Variants in DNAI4 observed in about 807,000 individuals in gnomAD.
DNAI4 encodes WD repeat domain 78.
Under a neutral mutation model 105.8 loss-of-function variants are expected in DNAI4, and 85 were observed. The observed-to-expected ratio is 0.80, with a 90% CI of 0.67 to 0.96. The LOEUF (loss-of-function observed/expected upper bound fraction) is 0.96. Ranked by LOEUF, DNAI4 falls within the 40% of genes least tolerant of loss-of-function variation. The pLI is 0.00. For synonymous variants in DNAI4, 352 were observed against 331.5 expected (o/e 1.06, Z -0.67); for missense variants, 1,014 against 1,005.6 (o/e 1.01, Z -0.11).
intron 7 of DNAI4, among the ~76,000 whole-genome samples, chr1:66,861,446 A>AC (rs763798439): frequency 1.3e-5 from 2 of 152,228 alleles, no homozygotes; most frequent in Non-Finnish European, 2.9e-5. Flanking sequence ...GTGGAATTGA[A>AC]CAAACTTCTC....
intron 16 of DNAI4, among the ~76,000 whole-genome samples, chr1:66,819,822 C>G (rs1645589544): frequency 6.6e-6 from 1 of 152,122 alleles, no homozygotes; most frequent in South Asian, 2.1e-4. Flanking sequence ...TCAATTCCCA[C>G]TCCCAACCAC....
At chr1:66,887,737 G>A (rs536635402) in intron 4 of DNAI4, among the ~76,000 whole-genome samples, 1 of 152,116 alleles carries the variant, frequency 6.6e-6, no homozygotes, top group African/African-American at 2.4e-5. Flanking sequence ...ATTTTGGGAG[G>A]CCAAGGCGGC....
chr1:66,840,446 T>C (rs1393772691), intron 9 of DNAI4, 23 bp downstream of exon 9: 1 of 1,592,060 alleles, frequency 6.3e-7, no homozygotes, highest in South Asian at 1.1e-5. Flanking sequence ...GAAACAGAAT[T>C]GTTCAAATGT....
At position 66,862,254 on chromosome 1, in the gene DNAI4, T is replaced by A. The variant is rs777841706; in HGVS notation, c.989A>T (p.Glu330Val). The A allele has an allele frequency of 2.5e-6, 4 of 1,610,858 alleles. No individual in the cohort carries two copies. The highest frequency in any genetic ancestry group is 3.4e-6 in the Non-Finnish European group (4 of 1,178,986). The change falls in exon 7 of 17, where the codon GAA becomes GTA. Residue 330 changes from glutamate (E) to valine (V), a missense_variant. Glu to Val is a moderately radical substitution (Grantham distance 121). Coordinates refer to ENST00000371026, the MANE Select transcript of DNAI4 (RefSeq NM_024763.5). ...TTGTTTTACTGATAAAGATACAAGT[T>A]CCATAGCATTGTAAGAATCATACAA... The part of the protein sequence containing the change: ...WDLYDSYNAM[E>V]LVSLSVKQSV...
At chr1:66,919,916 C>A (rs1650339251) in intron 1 of DNAI4, among the ~76,000 whole-genome samples, 2 of 152,218 alleles carry the variant, frequency 1.3e-5, no homozygotes, top group Non-Finnish European at 2.9e-5. Context: ...ATTGTCCAAC[C>A]CTTCCCCTCC....
chr1:66,892,950 G>GAAGAAAGAAAGAAAGAA (rs1647804185), intron 3 of DNAI4, among the ~76,000 whole-genome samples: 1 of 91,920 alleles, frequency 1.1e-5, no homozygotes, highest in South Asian at 3.7e-4. Flanking sequence ...AGAAGAAAGA[G>GAAGAAAGAAAGAAAGAA]AAGAAAGAAA....
rs1645463495 is a variant in DNAI4 at position 66,814,110 on chromosome 1, A to C, written c.*20T>G. The stretch of plus-strand genomic sequence containing the variant: ...TTCCTTTTTTAAAACAACTACAAGA[A>C]AAATATTAGGAATGATGAATTATGC... On this transcript the variant is annotated 3_prime_UTR_variant, in exon 17 of 17. Coordinates refer to ENST00000371026, the MANE Select transcript of DNAI4 (RefSeq NM_024763.5). 2 of 1,581,808 alleles carry C rather than the reference A, an allele frequency of 1.3e-6. No individual in the cohort carries two copies.
At chr1:66,920,557 G>A (rs1297258006) in intron 1 of DNAI4, among the ~76,000 whole-genome samples, 5 of 152,110 alleles carry the variant, frequency 3.3e-5, no homozygotes, top group South Asian at 2.1e-4. Context: ...TGGGGAGTGA[G>A]TATGTAGTTT....
Position 66,837,702 on chromosome 1 carries a change from T to C in DNAI4, c.1581+8A>G. On this transcript the variant is annotated splice_region_variant and intron_variant, in intron 10 of 16. Transcript: ENST00000371026. Reference sequence around the variant, plus strand: ...GATAAAAATGCTTCTTATTCTTGTTTGGGTTACCATGGGATTCTTTATTGA... The same window carrying C: ...GATAAAAATGCTTCTTATTCTTGTTCGGGTTACCATGGGATTCTTTATTGA... 2 of 1,604,140 alleles carry C rather than the reference T, an allele frequency of 1.2e-6. No individual in the cohort carries two copies. Among genetic ancestry groups the C allele is most frequent in the Non-Finnish European group, 1.7e-6 (2 of 1,175,650 alleles).
In DNAI4 at chr1:66,910,463, A is replaced by G. The variant is rs543376994; in HGVS notation, c.171-5088T>C. ...GCACATTTTCATATCAAAGACTTGA[A>G]TTTATGTTTCCTTTGTCTGAAATGC... On this transcript the variant is annotated intron_variant, in intron 1 of 16. Coordinates refer to ENST00000371026, the MANE Select transcript of DNAI4 (RefSeq NM_024763.5). Among the ~76,000 whole-genome samples the G allele has an allele frequency of 3.9e-5, 6 of 152,260 alleles. No homozygotes were observed. The South Asian group carries it at 1.0e-3, about 26-fold the overall frequency.
At chr1:66,915,920 G>GA (rs753263772) in intron 1 of DNAI4, among the ~76,000 whole-genome samples, 37 of 152,068 alleles carry the variant, frequency 2.4e-4, no homozygotes, top group Non-Finnish European at 3.5e-4. Context: ...CCAGGAGTTT[G>GA]AGACCAGTCT....
At chr1:66,826,756 T>C (rs1008330974) in intron 15 of DNAI4, 64 bp downstream of exon 15, 27 of 1,446,700 alleles carry the variant, frequency 1.9e-5, no homozygotes, top group Non-Finnish European at 2.6e-5. Flanking sequence ...GTGTCAAAAC[T>C]ATCAGGTATC....
At chr1:66,900,502 G>A (rs1031444234) in intron 2 of DNAI4, among the ~76,000 whole-genome samples, 1 of 152,110 alleles carries the variant, frequency 6.6e-6, no homozygotes, top group Non-Finnish European at 1.5e-5. Flanking sequence ...GGAGTATAAC[G>A]ATCTTAACAA....
chr1:66,876,791 C>T (rs2100688461), intron 4 of DNAI4, among the ~76,000 whole-genome samples: 1 of 152,218 alleles, frequency 6.6e-6, no homozygotes, highest in South Asian at 2.1e-4. Context: ...TTTGCCTGCT[C>T]CTCTTGACTG....
At chr1:66,866,592 T>C (rs527319584) in intron 6 of DNAI4, among the ~76,000 whole-genome samples, 20 of 152,306 alleles carry the variant, frequency 1.3e-4, no homozygotes, top group African/African-American at 4.6e-4. Flanking sequence ...ATGTATTTTA[T>C]TGTCTTCTTC....
chr1:66,848,815 G>T (rs1186319635), intron 7 of DNAI4, among the ~76,000 whole-genome samples: 1 of 152,126 alleles, frequency 6.6e-6, no homozygotes, highest in African/African-American at 2.4e-5. Context: ...GAAAAGCATA[G>T]CCTTGAAAGA....
intron 7 of DNAI4, among the ~76,000 whole-genome samples, chr1:66,855,133 A>G (rs1104705): frequency 0.22 from 33,806 of 152,056 alleles, 4,231 homozygotes; most frequent in East Asian, 0.55. Context: ...CCCTTGCCCT[A>G]ATTACCCAGG....
At chr1:66,887,691 C>T (rs554084800) in intron 4 of DNAI4, among the ~76,000 whole-genome samples, 11 of 152,026 alleles carry the variant, frequency 7.2e-5, no homozygotes, top group South Asian at 2.1e-4. Context: ...TTACTACTAC[C>T]GTCCAGAAGT....
intron 5 of DNAI4, among the ~76,000 whole-genome samples, chr1:66,871,753 A>G (rs1396230375): frequency 2.0e-5 from 3 of 152,206 alleles, no homozygotes; most frequent in African/African-American, 7.2e-5. Flanking sequence ...ACATGCTAGT[A>G]CTAACTCCAT....
Sources: allele counts gnomAD v4.1 joint callset (sites outside exome capture counted in the v4.1 genomes callset), GRCh38; gene constraint gnomAD v4.1.1; transcripts MANE v1.5; gene names NCBI Gene and HGNC (gene_info 2026-07-23, HGNC 2026-07-21).